TTN: variants seen among roughly 807,000 people sequenced by gnomAD.
TTN encodes titin.
In TTN, 1,525 loss-of-function variants were observed where a neutral mutation model predicts 3,223.0. The observed-to-expected ratio is 0.47, with a 90% CI of 0.45 to 0.49. The LOEUF (loss-of-function observed/expected upper bound fraction) is 0.49, where lower values mean the gene tolerates loss of function less well. Ranked by LOEUF, TTN falls within the 20% of genes least tolerant of loss-of-function variation. The pLI is 0.00. For missense variants in TTN, 40,786 were observed against 43,424.0 expected (o/e 0.94, Z 5.40); for synonymous variants, 14,094 against 15,161.0 (o/e 0.93, Z 5.17).
intron 98 of TTN, 40 bp downstream of exon 98, chr2:178,710,594 TG>T (rs772707473): frequency 6.4e-7 from 1 of 1,574,332 alleles, no homozygotes; most frequent in Non-Finnish European, 8.6e-7. Context: ...TACTACAAAA[TG>T]ATTACACTTT....
Position 178,542,850 on chromosome 2 carries a change from G to A in TTN, c.97004C>T (p.Pro32335Leu), listed in dbSNP as rs771804243. The A allele has an allele frequency of 1.2e-6, 2 of 1,613,802 alleles. No individual in the cohort carries two copies. The highest frequency in any genetic ancestry group is 1.7e-6 in the Non-Finnish European group (2 of 1,179,782). Residue 32335 changes from proline to leucine, a missense_variant, in exon 348 of 363, where the codon CCT becomes CTT. Pro to Leu is a moderately conservative substitution (Grantham distance 98, BLOSUM62 -3). Transcript: ENST00000589042. ...AGCAAAGAACCAGGAAGCAGCAGGA[G>A]GTGGACGGCCAGCAATAGGTATCAC... ...ELVIPIAGRP[P>L]PAASWFFAGS...
Position 178,561,583 on chromosome 2 carries a change from T to C in TTN, c.84549A>G (p.Gly28183=). 1 of 1,613,310 alleles carries C rather than the reference T, an allele frequency of 6.2e-7. No individual in the cohort carries two copies. Among genetic ancestry groups the C allele is most frequent in the Admixed American group, 1.7e-5 (1 of 59,950 alleles). The change falls in exon 326 of 363, where the codon GGA becomes GGG. Residue 28183 remains glycine (G), a synonymous_variant. Coordinates refer to ENST00000589042, the MANE Select transcript of TTN (RefSeq NM_001267550.2). ...CAAGATGATAGCCAATTACTCGACT[T>C]CCTCCATCATTAACTGGCACTTGCC... The part of the protein sequence containing the change: ...VTWQVPVNDG[G]SRVIGYHLEY...
In TTN at chr2:178,609,844, C is replaced by G. The variant is rs759285989; in HGVS notation, c.51579G>C (p.Arg17193Ser). ...IIEKIAKGEE[R>S]WKRCNEHLVP... ...CCAGGTGTTCATTGCATCTCTTCCA[C>G]CTTTCTTCACCCTTAGCAATCTTCT... The change falls in exon 272 of 363, where the codon AGG (arginine) becomes AGC (serine). Residue 17193 changes from arginine to serine, a missense_variant. Transcript: ENST00000589042. 9.9e-6 allele frequency: 16 copies of G among 1,612,862 alleles called. No individual in the cohort carries two copies. The highest frequency in any genetic ancestry group is 3.3e-4 in the Middle Eastern group (2 of 6,076).
chr2:178,553,989 C>G lies in TTN; in HGVS notation c.89122G>C (p.Val29708Leu). The G allele has an allele frequency of 6.2e-7, 1 of 1,613,100 alleles. No homozygotes were observed. The highest frequency in any genetic ancestry group is 8.5e-7 in the Non-Finnish European group (1 of 1,179,784). ...TGTCCAGCAGCGTTTACAGCACAAACTCTGTATTGATAGTCACTGTTTTCT... is the reference window on the plus strand; with the variant it reads ...TGTCCAGCAGCGTTTACAGCACAAAGTCTGTATTGATAGTCACTGTTTTCT... ...LTENSDYQYR[V>L]CAVNAAGQGP... Residue 29708 changes from valine to leucine, a missense_variant, in exon 333 of 363, where the codon GTT becomes CTT. Transcript: ENST00000589042.
chr2:178,678,284 C>T lies in TTN; in HGVS notation c.33911-76G>A, dbSNP rs1028887385. On this transcript the variant is annotated intron_variant, in intron 144 of 362. Coordinates refer to ENST00000589042, the MANE Select transcript of TTN (RefSeq NM_001267550.2). The stretch of plus-strand genomic sequence containing the variant: ...GAGCAATAGATATGAAAAAGAATCA[C>T]AAAATATCTGACATATTTCTAACCA... 3 of 1,529,874 alleles carry T rather than the reference C, an allele frequency of 2.0e-6. No homozygotes were observed. In the African/African-American group the frequency reaches 4.2e-5, roughly 22 times the overall value. The allele number at this position is 1,529,874 out of a possible 1,614,324, so 94.8% of individuals were successfully genotyped here.
At position 178,767,755 on chromosome 2, in the gene TTN, A is replaced by G; in HGVS notation, c.9471+4T>C. ...TTTCAAAACATTTAGTATGTAGACA[A>G]TACCTGAACCTCCTTTTTAATACTT... On this transcript the variant is annotated splice_donor_region_variant and intron_variant, in intron 40 of 362. Coordinates refer to ENST00000589042, the MANE Select transcript of TTN (RefSeq NM_001267550.2). 2 of 1,613,894 alleles carry G rather than the reference A, an allele frequency of 1.2e-6. No homozygotes were observed. Among genetic ancestry groups the G allele is most frequent in the Non-Finnish European group, 1.7e-6 (2 of 1,179,996 alleles).
At position 178,689,148 on chromosome 2, in the gene TTN, T is replaced by C; in HGVS notation, c.32012-12A>G. 1 of 1,599,422 alleles carries C rather than the reference T, an allele frequency of 6.3e-7. No homozygotes were observed. The highest frequency in any genetic ancestry group is 8.5e-7 in the Non-Finnish European group (1 of 1,175,698). ...AGGCAGAGCTGGCACTTTAGAGACA[T>C]TATGCACTTTTAGAAATTTAATGTG... is the stretch of plus-strand genomic sequence containing the variant. On this transcript the variant is annotated splice_polypyrimidine_tract_variant and intron_variant, in intron 124 of 362. Transcript: ENST00000589042.
rs1202130741 is a variant in TTN, at chr2:178,679,652, T to G, written c.33611A>C (p.Glu11204Ala). Reference sequence around the variant, plus strand: ...GGGAACAGGAACAGGTTTCTTCTCTTCTGGAACAGGTTTCCTGGGTACCTC... The same window carrying G: ...GGGAACAGGAACAGGTTTCTTCTCTGCTGGAACAGGTTTCCTGGGTACCTC... ...VPEVPRKPVPEEKKPVPVPKK... is the reference protein window; with the variant it reads ...VPEVPRKPVPAEKKPVPVPKK... Residue 11204 changes from glutamate (E) to alanine (A), a missense_variant, in exon 141 of 363, where the codon GAA becomes GCA. By Grantham distance (107) the Glu-to-Ala change is moderately radical (BLOSUM62 -1). Transcript: ENST00000589042. 1 of 1,611,418 alleles carries G rather than the reference T, an allele frequency of 6.2e-7. No individual in the cohort carries two copies. Among genetic ancestry groups the G allele is most frequent in the Non-Finnish European group, 8.5e-7 (1 of 1,178,998 alleles).
rs749459226 is a variant in TTN, at chr2:178,578,140, C to T, written c.68375G>A (p.Arg22792Lys). Residue 22792 changes from arginine to lysine, a missense_variant, in exon 322 of 363, where the codon AGA becomes AAA. Arg to Lys is a conservative substitution (Grantham distance 26, BLOSUM62 2). Transcript: ENST00000589042. ...FKERNSLLWKRANKTPIRMRD... is the reference protein window; with the variant it reads ...FKERNSLLWKKANKTPIRMRD... ...CATCCTTATCGGAGTCTTGTTAGCT[C>T]TCTTCCACAAAAGGCTGTTTCTTTC... The T allele has an allele frequency of 6.2e-7, 1 of 1,613,110 alleles. No individual in the cohort carries two copies. Among genetic ancestry groups the T allele is most frequent in the Non-Finnish European group, 8.5e-7 (1 of 1,179,392 alleles).
Position 178,718,222 on chromosome 2 carries a change from C to CTA in TTN, c.24785-3_24785-2dup. On this transcript the variant is annotated splice_acceptor_variant, in intron 85 of 362. Transcript: ENST00000589042. LOFTEE classifies it high-confidence loss of function. The stretch of plus-strand genomic sequence containing the variant: ...AGAGGTTCAATAAAGTACGGTGGTT[C>CTA]TATGGTACAAAGGATGGTAGTCAGC... 6.3e-7 allele frequency: 1 copy of CTA among 1,596,652 alleles called. No homozygotes were observed. Among genetic ancestry groups the CTA allele is most frequent in the Admixed American group, 1.7e-5 (1 of 59,318 alleles).
At chr2:178,581,419 C>A in intron 316 of TTN, 80 bp downstream of exon 316, 3 of 1,195,164 alleles carry the variant, frequency 2.5e-6, no homozygotes, top group Non-Finnish European at 3.4e-6. Flanking sequence ...ATAAATTAAT[C>A]TACCTAAGGG....
Position 178,613,236 on chromosome 2 carries a change from C to A in TTN, c.49573G>T (p.Val16525Leu), listed in dbSNP as rs753821979. 6.2e-7 allele frequency: 1 copy of A among 1,611,456 alleles called. No homozygotes were observed. The highest frequency in any genetic ancestry group is 1.1e-5 in the South Asian group (1 of 90,560). The change falls in exon 264 of 363, where the codon GTG becomes TTG. Residue 16525 changes from valine to leucine, a missense_variant. Coordinates refer to ENST00000589042, the MANE Select transcript of TTN (RefSeq NM_001267550.2). ...LTNKKKYRFRVLAENLAGPGK... is the reference protein window; with the variant it reads ...LTNKKKYRFRLLAENLAGPGK... ...GGTCCAGCAAGATTTTCAGCCAACA[C>A]ACGGAATCTGTATTTTTTCTTATTA...
In TTN at chr2:178,620,165, T is replaced by A. The variant is rs72677228; in HGVS notation, c.46304+52A>T. 0.026 allele frequency: 40,738 copies of A among 1,588,418 alleles called. 724 individuals are homozygous for A. The highest frequency in any genetic ancestry group is 0.093 in the East Asian group (4,119 of 44,466). ...GCTTGCAATGATGGCCACTAAATTGTCAAAAGTGTATATATAGCTACAGAA... is the reference window on the plus strand; with the variant it reads ...GCTTGCAATGATGGCCACTAAATTGACAAAAGTGTATATATAGCTACAGAA... On this transcript the variant is annotated intron_variant, in intron 248 of 362. Transcript: ENST00000589042.
chr2:178,722,572 G>C, intron 76 of TTN, 26 bp from the exon 77 acceptor site: 1 of 1,595,158 alleles, frequency 6.3e-7, no homozygotes, highest in South Asian at 1.1e-5. Context: ...TAATACTTAA[G>C]GTGTTAGGAG....
In TTN at chr2:178,653,138, A is replaced by C. The variant is rs1560119166; in HGVS notation, c.38792-14T>G. ...GAGCCTCTGGCACTTAAAAGATATT[A>C]GGTAAAATTACATTTAGGGGTTATG... On this transcript the variant is annotated splice_polypyrimidine_tract_variant and intron_variant, in intron 198 of 362. Transcript: ENST00000589042. 2.5e-6 allele frequency: 4 copies of C among 1,611,026 alleles called. No homozygotes were observed. Among genetic ancestry groups the C allele is most frequent in the Non-Finnish European group, 3.4e-6 (4 of 1,178,866 alleles).
chr2:178,619,494 G>C (rs1576533185), intron 250 of TTN, 127 bp downstream of exon 250: 9 of 1,211,160 alleles, frequency 7.4e-6, no homozygotes, highest in Non-Finnish European at 1.0e-5. Context: ...AATTAGAGTT[G>C]TTAACATGTG....
rs774576049 is a variant in TTN, at chr2:178,727,284, G to T, written c.20081C>A (p.Ser6694Tyr). ...SSRLECKIAGSPEIRVVWFRN... is the reference protein window; with the variant it reads ...SSRLECKIAGYPEIRVVWFRN... ...GAACCACACAACTCTGATTTCTGGG[G>T]ATCCAGCTATCTTGCATTCAAGTCG... The change falls in exon 69 of 363, where the codon TCC becomes TAC. Residue 6694 changes from serine (S) to tyrosine (Y), a missense_variant. By Grantham distance (144) the Ser-to-Tyr change is moderately radical. Coordinates refer to ENST00000589042, the MANE Select transcript of TTN (RefSeq NM_001267550.2). 3.7e-6 allele frequency: 6 copies of T among 1,613,020 alleles called. No homozygotes were observed. The highest frequency in any genetic ancestry group is 5.1e-6 in the Non-Finnish European group (6 of 1,179,378).
In TTN at chr2:178,632,416, A is replaced by G. The variant is rs758565703; in HGVS notation, c.43481-3T>C. 1 of 1,574,964 alleles carries G rather than the reference A, an allele frequency of 6.3e-7. No homozygotes were observed. The highest frequency in any genetic ancestry group is 1.4e-5 in the African/African-American group (1 of 72,896). On this transcript the variant is annotated splice_region_variant and splice_polypyrimidine_tract_variant and intron_variant, in intron 235 of 362. Transcript: ENST00000589042. ...GGTGAGGAATTTGAGCCGGATTCCT[A>G]TCAAGAAAAAAAAGAAAGAACTTAT... is the stretch of plus-strand genomic sequence containing the variant.
At chr2:178,623,416 G>A (rs2058588680) in intron 242 of TTN, among the ~76,000 whole-genome samples, 1 of 151,936 alleles carries the variant, frequency 6.6e-6, no homozygotes, top group Middle Eastern at 3.2e-3. Context: ...AATTCAGCTG[G>A]TGTATAGGAT....
Sources: gnomAD v4.1 joint callset for allele counts (sites outside exome capture counted in the v4.1 genomes callset) on GRCh38, gnomAD v4.1.1 for gene constraint, MANE v1.5 for transcripts, NCBI Gene and HGNC (gene_info 2026-07-23, HGNC 2026-07-21) for gene names.